The following RBFOX3 variants were observed in gnomAD, a reference collection of about 807,000 sequenced individuals.
RBFOX3 encodes the protein RNA binding fox-1 homolog 3.
RBFOX3 carries 17 observed loss-of-function variants against 48.7 expected under a neutral mutation model. That is an observed-to-expected ratio of 0.35 (90% confidence interval 0.24 to 0.52). The LOEUF (loss-of-function observed/expected upper bound fraction) is 0.52. Ranked by LOEUF, RBFOX3 falls within the 20% of genes least tolerant of loss-of-function variation. RBFOX3 has a pLI of 0.94. For synonymous variants in RBFOX3, 212 were observed against 209.5 expected (o/e 1.01, Z -0.10); for missense variants, 382 against 497.5 (o/e 0.77, Z 2.21).
At position 79,235,764 on chromosome 17, in the gene RBFOX3, A is replaced by G. The variant is rs537160385; in HGVS notation, c.-34+2T>C. ...CAGGAAAAATAGAGAAAGTCTTTAT[A>G]CCTTTTATTCAGCCAATTTTCCCCG... On this transcript the variant is annotated splice_donor_variant, in intron 4 of 14. Coordinates refer to ENST00000693108, the MANE Select transcript of RBFOX3 (RefSeq NM_001350451.2). LOFTEE classifies it low-confidence loss of function (5UTR_SPLICE). 1 of 153,848 alleles carries G rather than the reference A, an allele frequency of 6.5e-6. No individual in the cohort carries two copies. The highest frequency in any genetic ancestry group is 6.5e-5 in the Admixed American group (1 of 15,294). The allele number at this position is 153,848 out of a possible 1,614,324, so 9.5% of individuals were successfully genotyped here. A position where few individuals can be genotyped will look rare whatever the true frequency, so the allele number is the denominator to read the frequency against.
At chr17:79,185,496 C>G (rs2612766) in intron 4 of RBFOX3, among the ~76,000 whole-genome samples, 53,163 of 151,914 alleles carry the variant, frequency 0.35, 10,364 homozygotes, top group Middle Eastern at 0.53. Context: ...CTGCCTCCCT[C>G]CTGAGTCAGG....
chr17:79,384,737 C>T (rs927477474), intron 2 of RBFOX3, among the ~76,000 whole-genome samples: 1 of 152,202 alleles, frequency 6.6e-6, no homozygotes, highest in African/African-American at 2.4e-5. Context: ...ACCCAGCTGG[C>T]GGGCCAGTCA....
intron 2 of RBFOX3, among the ~76,000 whole-genome samples, chr17:79,442,238 A>G (rs1455530722): frequency 0.66 from 4,823 of 7,336 alleles, 1,418 homozygotes; most frequent in Admixed American, 0.71. Flanking sequence ...AGAGAGAGAG[A>G]GAGAGAGAGA....
At chr17:79,306,470 G>T (rs550229818) in intron 3 of RBFOX3, among the ~76,000 whole-genome samples, 2 of 152,334 alleles carry the variant, frequency 1.3e-5, no homozygotes, top group East Asian at 1.9e-4. Context: ...CCTCAGGAGC[G>T]CCCCTCCCCT....
chr17:79,470,611 G>C (rs1555756444), intron 2 of RBFOX3, among the ~76,000 whole-genome samples: 3 of 152,154 alleles, frequency 2.0e-5, no homozygotes, highest in African/African-American at 7.2e-5. Context: ...AGCCCCCAAG[G>C]GTGTGCAGAG....
At chr17:79,407,971 T>A (rs1280821467) in intron 2 of RBFOX3, among the ~76,000 whole-genome samples, 6 of 152,184 alleles carry the variant, frequency 3.9e-5, no homozygotes, top group African/African-American at 1.4e-4. Context: ...CAAGGAGCTG[T>A]GTCGAGCACG....
chr17:79,656,314 A>G, the RBFOX3 span, among the ~76,000 whole-genome samples: 1 of 152,268 alleles, frequency 6.6e-6, no homozygotes, highest in African/African-American at 2.4e-5. Context: ...CTGTGTGCCA[A>G]TGAAACTTTA....
intron 1 of RBFOX3, among the ~76,000 whole-genome samples, chr17:79,523,636 C>G (rs1403691931): frequency 6.6e-6 from 1 of 152,194 alleles, no homozygotes; most frequent in Non-Finnish European, 1.5e-5. Context: ...CAGAGAGTTA[C>G]TGAGCCTGGT....
intron 2 of RBFOX3, among the ~76,000 whole-genome samples, chr17:79,437,935 CACA>C (rs2069899448): frequency 8.1e-5 from 9 of 111,612 alleles, no homozygotes; most frequent in Admixed American, 8.0e-4. Flanking sequence ...CACGCATTCA[CACA>C]CAGATACATG....
chr17:79,518,677 T>C (rs1206775750), intron 1 of RBFOX3, among the ~76,000 whole-genome samples: 1 of 152,224 alleles, frequency 6.6e-6, no homozygotes, highest in African/African-American at 2.4e-5. Flanking sequence ...AAGCCAGGCC[T>C]CAGGCTCCCC....
chr17:79,557,174 C>T (rs1341157720), intron 1 of RBFOX3, among the ~76,000 whole-genome samples: 1 of 141,920 alleles, frequency 7.0e-6, no homozygotes, highest in Non-Finnish European at 1.5e-5. Flanking sequence ...TGCAATGAGC[C>T]GAGGTCGCAC....
intron 1 of RBFOX3, among the ~76,000 whole-genome samples, chr17:79,545,560 G>C (rs781810810): frequency 2.0e-5 from 3 of 152,230 alleles, no homozygotes; most frequent in Non-Finnish European, 2.9e-5. Context: ...GGTGTCCCAG[G>C]CTTCCCAGGT....
intron 1 of RBFOX3, among the ~76,000 whole-genome samples, chr17:79,597,398 C>G (rs2145235159): frequency 6.6e-6 from 1 of 152,254 alleles, no homozygotes; most frequent in East Asian, 1.9e-4. Context: ...TCTGCCCGCC[C>G]CCACCCAGGG....
chr17:79,393,095 T>C (rs1163770984), intron 2 of RBFOX3, among the ~76,000 whole-genome samples: 2 of 152,116 alleles, frequency 1.3e-5, no homozygotes, highest in African/African-American at 4.8e-5. Flanking sequence ...CCAAAATATG[T>C]AGGAGTTGTA....
intron 2 of RBFOX3, among the ~76,000 whole-genome samples, chr17:79,334,132 C>T (rs1414908402): frequency 1.3e-5 from 2 of 152,172 alleles, no homozygotes; most frequent in Non-Finnish European, 2.9e-5. Context: ...CTTCCTGTTT[C>T]TACCATCCAC....
upstream of RBFOX3, among the ~76,000 whole-genome samples, chr17:79,614,862 G>A (rs2093987967): frequency 6.6e-6 from 1 of 152,056 alleles, no homozygotes; most frequent in Non-Finnish European, 1.5e-5. Context: ...AAAACTAGAT[G>A]ATCAATTCAC....
rs2061294548 is a variant in RBFOX3 at position 79,390,807 on chromosome 17, G to A, written c.-174-82983C>T. ...GGATCCTGGCAGTGGGAAACTGGAG[G>A]AGCGCATGGAGCATCTGAGAGTTGA... On this transcript the variant is annotated intron_variant, in intron 2 of 14. Transcript: ENST00000693108. This position sits in a 1 kb window ranked among gnomAD's most constrained non-coding sequence, Gnocchi z 4.2. 6.6e-6 allele frequency among the ~76,000 whole-genome samples: 1 copy of A among 152,174 alleles called. No individual in the cohort carries two copies. Among genetic ancestry groups the A allele is most frequent in the Admixed American group, 6.5e-5 (1 of 15,272 alleles).
At chr17:79,161,368 G>C (rs1422332483) in intron 4 of RBFOX3, among the ~76,000 whole-genome samples, 1 of 152,170 alleles carries the variant, frequency 6.6e-6, no homozygotes, top group Non-Finnish European at 1.5e-5. Flanking sequence ...ATGGAGGCCT[G>C]GAAGCACCGC....
the RBFOX3 span, among the ~76,000 whole-genome samples, chr17:79,635,833 T>C: frequency 1.3e-5 from 2 of 152,178 alleles, no homozygotes; most frequent in East Asian, 1.9e-4. Flanking sequence ...CTCCACCTCA[T>C]TCATCATTAA....
Sources: gnomAD v4.1 joint callset for allele counts (sites outside exome capture counted in the v4.1 genomes callset) on GRCh38, gnomAD v4.1.1 for gene constraint, Gnocchi (gnomAD v3.1) non-coding constraint, MANE v1.5 for transcripts, NCBI Gene and HGNC (gene_info 2026-07-23, HGNC 2026-07-21) for gene names.